Variants in COMMD10 observed in about 807,000 individuals in gnomAD.
COMMD10 encodes the protein COMM domain containing 10.
Under a neutral mutation model 28.9 loss-of-function variants are expected in COMMD10, and 33 were observed. That is an observed-to-expected ratio of 1.14 (90% CI 0.87 to 1.53). COMMD10 has a LOEUF of 1.53. Among genes scored for constraint, COMMD10 ranks in the 40% most tolerant of loss-of-function variants. The probability of loss-of-function intolerance (pLI) is 0.00; values close to 1 mark genes in which losing one functional copy is unlikely to be tolerated. For synonymous variants in COMMD10, 110 were observed against 81.7 expected, an observed-to-expected ratio of 1.35 and a Z score of -1.87; for missense variants, 310 against 233.4, an observed-to-expected ratio of 1.33 and a Z score of -2.14.
At chr5:116,113,545 T>C (rs1312832040) in intron 4 of COMMD10, among the ~76,000 whole-genome samples, 1 of 151,930 alleles carries the variant, frequency 6.6e-6, no homozygotes, top group African/African-American at 2.4e-5. Context: ...CCTGTCTTCA[T>C]GTTCTGAAAT....
At chr5:116,158,894 G>A (rs907369595) in intron 5 of COMMD10, among the ~76,000 whole-genome samples, 1 of 150,628 alleles carries the variant, frequency 6.6e-6, no homozygotes, top group African/African-American at 2.5e-5. Context: ...TTTATTGACA[G>A]TTTTGTTGTG....
At chr5:116,152,055 T>C (rs1452859117) in intron 5 of COMMD10, among the ~76,000 whole-genome samples, 1 of 152,204 alleles carries the variant, frequency 6.6e-6, no homozygotes, top group African/African-American at 2.4e-5. Flanking sequence ...TGGTATGTTG[T>C]GTCTTTGTTC....
At chr5:116,100,573 A>T (rs1375573608) in intron 4 of COMMD10, among the ~76,000 whole-genome samples, 2 of 149,216 alleles carry the variant, frequency 1.3e-5, no homozygotes, top group African/African-American at 4.9e-5. Flanking sequence ...TTAGTTGAAA[A>T]GGCTTTTTCC....
intron 5 of COMMD10, among the ~76,000 whole-genome samples, chr5:116,166,054 T>G (rs1753080326): frequency 6.6e-6 from 1 of 152,192 alleles, no homozygotes; most frequent in Non-Finnish European, 1.5e-5. Context: ...CCTGTATTGC[T>G]TGTGGCATAC....
chr5:116,239,870 G>T (rs1740496836), intron 5 of COMMD10, among the ~76,000 whole-genome samples: 1 of 152,122 alleles, frequency 6.6e-6, no homozygotes, highest in South Asian at 2.1e-4. Flanking sequence ...TGACAAGGCA[G>T]AAACTTTGTC....
chr5:116,097,883 A>G (rs769763135), intron 4 of COMMD10, among the ~76,000 whole-genome samples: 2 of 152,128 alleles, frequency 1.3e-5, no homozygotes, highest in Non-Finnish European at 2.9e-5. Flanking sequence ...TCACAAGAAT[A>G]GCACTGAAGG....
intron 5 of COMMD10, chr5:116,188,405 A>G (rs1748215889): frequency 6.6e-6 from 1 of 151,958 alleles, no homozygotes; most frequent in Non-Finnish European, 1.5e-5. Flanking sequence ...ATTGTGTGAT[A>G]TTAGGAATAT....
chr5:116,150,956 C>T (rs1752504525), intron 5 of COMMD10, among the ~76,000 whole-genome samples: 1 of 151,716 alleles, frequency 6.6e-6, no homozygotes, highest in Admixed American at 6.6e-5. Context: ...GTGAAAGCTT[C>T]CAGTTTTTGC....
chr5:116,091,708 C>T (rs910131399), intron 3 of COMMD10, among the ~76,000 whole-genome samples: 9 of 152,136 alleles, frequency 5.9e-5, no homozygotes, highest in African/African-American at 2.2e-4. Context: ...AGTCTTTCAG[C>T]AGTTCATATG....
intron 5 of COMMD10, among the ~76,000 whole-genome samples, chr5:116,221,570 A>C (rs186954804): frequency 6.6e-6 from 1 of 152,294 alleles, no homozygotes; most frequent in East Asian, 1.9e-4. Context: ...TGTGTTTTCA[A>C]GATCTCTTAG....
At chr5:116,156,108 C>T (rs1752698535) in intron 5 of COMMD10, among the ~76,000 whole-genome samples, 3 of 152,060 alleles carry the variant, frequency 2.0e-5, no homozygotes, top group Admixed American at 1.3e-4. Context: ...ACCTCCCTGG[C>T]CTTCCTGCAT....
intron 4 of COMMD10, among the ~76,000 whole-genome samples, chr5:116,120,916 G>A (rs983619910): frequency 6.6e-6 from 1 of 151,368 alleles, no homozygotes; most frequent in Non-Finnish European, 1.5e-5. Flanking sequence ...TGTTTTGTAT[G>A]TTTTTGTATA....
At position 116,127,665 on chromosome 5, in the gene COMMD10, T is replaced by C. The variant is rs538648758; in HGVS notation, c.400-6403T>C. On this transcript the variant is annotated intron_variant, in intron 4 of 6. Transcript: ENST00000274458. ...GCTAGAAACCATCATTCTGAGCAAA[T>C]TATCGCAAGGACAGAAAACCAAACA... Among the ~76,000 whole-genome samples, 6 of 152,118 alleles carry C rather than the reference T, an allele frequency of 3.9e-5. No homozygotes were observed. The South Asian group carries it at 1.2e-3, about 32-fold the overall frequency.
chr5:116,120,986 CTTT>C (rs932293911), intron 4 of COMMD10, among the ~76,000 whole-genome samples: 2 of 151,380 alleles, frequency 1.3e-5, no homozygotes, highest in Admixed American at 1.3e-4. Flanking sequence ...CCTATATTTT[CTTT>C]TTTTTAATTA....
chr5:116,259,269 G>A lies in COMMD10; in HGVS notation c.511-32248G>A, dbSNP rs140272412. ...GTACAGACAGGATCTCACCATGTTG[G>A]CCAGGCTGGTCTTAAAGGTCCTTTA... On this transcript the variant is annotated intron_variant, in intron 5 of 6. Coordinates refer to ENST00000274458, the MANE Select transcript of COMMD10 (RefSeq NM_016144.4). Among the ~76,000 whole-genome samples the A allele has an allele frequency of 6.8e-3, 1,031 of 151,198 alleles. 37 individuals are homozygous for A. The highest frequency in any genetic ancestry group is 0.024 in the African/African-American group (989 of 40,950).
At chr5:116,127,189 T>G (rs1229019666) in intron 4 of COMMD10, among the ~76,000 whole-genome samples, 1 of 152,218 alleles carries the variant, frequency 6.6e-6, no homozygotes, top group African/African-American at 2.4e-5. Context: ...TCATCATCAC[T>G]GGCCATCAGA....
chr5:116,253,293 T>G (rs1326303262), intron 5 of COMMD10, among the ~76,000 whole-genome samples: 2 of 137,152 alleles, frequency 1.5e-5, no homozygotes, highest in African/African-American at 2.8e-5. Context: ...TTTATTTCCT[T>G]CTCCTGCCTA....
chr5:116,167,990 A>T (rs7700647), intron 5 of COMMD10, among the ~76,000 whole-genome samples: 2 of 150,326 alleles, frequency 1.3e-5, no homozygotes, highest in Non-Finnish European at 3.0e-5. Flanking sequence ...CAATAATTAA[A>T]CTTAAATGTA....
intron 4 of COMMD10, among the ~76,000 whole-genome samples, chr5:116,096,137 T>TA (rs764280228): frequency 3.9e-5 from 6 of 152,062 alleles, no homozygotes; most frequent in Non-Finnish European, 8.8e-5. Flanking sequence ...TGTATTTCTG[T>TA]AAAAAATCCT....
Sources: gnomAD v4.1 joint callset for allele counts (sites outside exome capture counted in the v4.1 genomes callset) on GRCh38, gnomAD v4.1.1 for gene constraint, MANE v1.5 for transcripts, NCBI Gene and HGNC (gene_info 2026-07-23, HGNC 2026-07-21) for gene names.